The following DEPTOR variants were observed in gnomAD, a reference collection of about 807,000 sequenced individuals.
The protein encoded by DEPTOR is DEP domain containing MTOR interacting protein, also known as DEP domain-containing mTOR-interacting protein.
In DEPTOR, 41 loss-of-function variants were observed where a neutral mutation model predicts 41.6. The ratio of observed to expected loss-of-function variants is 0.98; its 90% CI spans 0.77 to 1.28. The LOEUF (loss-of-function observed/expected upper bound fraction) is 1.28, where lower values mean the gene tolerates loss of function less well. DEPTOR is among the 50% of genes most tolerant of loss of function. DEPTOR has a pLI of 0.00. For missense variants in DEPTOR, 514 were observed against 527.9 expected, an observed-to-expected ratio of 0.97 and a Z score of 0.26; for synonymous variants, 195 against 192.3, an observed-to-expected ratio of 1.01 and a Z score of -0.12.
intron 3 of DEPTOR, among the ~76,000 whole-genome samples, chr8:119,951,892 C>T (rs1208000490): frequency 1.3e-5 from 2 of 152,068 alleles, no homozygotes; most frequent in Non-Finnish European, 1.5e-5. Context: ...AATTCCAGCA[C>T]TTTGAGAGGA....
intron 3 of DEPTOR, among the ~76,000 whole-genome samples, chr8:119,946,860 T>A (rs541736224): frequency 6.6e-6 from 1 of 152,332 alleles, no homozygotes; most frequent in South Asian, 2.1e-4. Context: ...TAACTTAACT[T>A]CTTGGCTTTT....
intron 1 of DEPTOR, among the ~76,000 whole-genome samples, chr8:119,921,660 G>C (rs1827895459): frequency 6.6e-6 from 1 of 152,120 alleles, no homozygotes; most frequent in African/African-American, 2.4e-5. Flanking sequence ...TACCCTTGCA[G>C]GGAATTGGTG....
intron 1 of DEPTOR, among the ~76,000 whole-genome samples, chr8:119,923,059 C>G (rs1224644693): frequency 6.6e-6 from 1 of 152,088 alleles, no homozygotes; most frequent in Admixed American, 6.6e-5. Context: ...GGGAAATACT[C>G]CTGCCACCTC....
At position 119,921,591 on chromosome 8, in the gene DEPTOR, T is replaced by G. The variant is rs1827894375; in HGVS notation, c.123-6809T>G. Among the ~76,000 whole-genome samples the G allele has an allele frequency of 2.0e-5, 3 of 152,244 alleles. 1 individual carries two copies. The South Asian group carries it at 6.2e-4, about 32-fold the overall frequency. On this transcript the variant is annotated intron_variant, in intron 1 of 8. Transcript: ENST00000286234. ...CCATCATACTCAGTTTTCTTAAACA[T>G]GGAAATGTACCAGGACCCAGTGGGA...
intron 1 of DEPTOR, among the ~76,000 whole-genome samples, chr8:119,884,756 C>A (rs4053293): frequency 6.6e-6 from 1 of 151,906 alleles, no homozygotes; most frequent in Non-Finnish European, 1.5e-5. Flanking sequence ...TAGAGTCTCT[C>A]TCTGTTGCTC....
At chr8:119,905,411 A>G (rs1372199898) in intron 1 of DEPTOR, among the ~76,000 whole-genome samples, 1 of 152,114 alleles carries the variant, frequency 6.6e-6, no homozygotes, top group African/African-American at 2.4e-5. Flanking sequence ...TTGAAGTTTG[A>G]AGGTGTTTTT....
intron 3 of DEPTOR, among the ~76,000 whole-genome samples, chr8:119,947,134 A>G (rs1828289558): frequency 6.6e-6 from 1 of 152,238 alleles, no homozygotes; most frequent in Non-Finnish European, 1.5e-5. Flanking sequence ...TACAAGAAGC[A>G]GCTCAGGATC....
intron 1 of DEPTOR, among the ~76,000 whole-genome samples, chr8:119,893,008 C>T (rs1173260578): frequency 6.6e-6 from 1 of 152,060 alleles, no homozygotes; most frequent in Non-Finnish European, 1.5e-5. Context: ...GTCTCGAACT[C>T]CTGTTCTCAG....
chr8:119,932,967 T>A (rs62528692), intron 3 of DEPTOR, among the ~76,000 whole-genome samples: 26,276 of 151,762 alleles, frequency 0.17, 2,782 homozygotes, highest in Middle Eastern at 0.34. Context: ...AGGGCAGAAG[T>A]AAAGAGGAGA....
intron 3 of DEPTOR, among the ~76,000 whole-genome samples, chr8:119,959,045 G>A (rs554513584): frequency 1.3e-5 from 2 of 151,950 alleles, no homozygotes; most frequent in Non-Finnish European, 2.9e-5. Context: ...CTAAGAAGGG[G>A]TTGTCCATTA....
In DEPTOR at chr8:119,918,666, G is replaced by A. The variant is rs1053730735; in HGVS notation, c.123-9734G>A. 3.9e-5 allele frequency among the ~76,000 whole-genome samples: 6 copies of A among 152,108 alleles called. No homozygotes were observed. In the South Asian group the frequency reaches 8.3e-4, roughly 21 times the overall value. Reference sequence around the variant, plus strand: ...GGTAGAGACGGGGTTTCACCATGTTGGCCAGGATGGTCTTGATCTCTTGAC... The same window carrying A: ...GGTAGAGACGGGGTTTCACCATGTTAGCCAGGATGGTCTTGATCTCTTGAC... On this transcript the variant is annotated intron_variant, in intron 1 of 8. Transcript: ENST00000286234.
chr8:119,947,001 A>G (rs1013361230), intron 3 of DEPTOR, among the ~76,000 whole-genome samples: 5 of 152,134 alleles, frequency 3.3e-5, no homozygotes, highest in African/African-American at 1.2e-4. Context: ...GCGTGTGTGT[A>G]TGAACCTTGT....
At chr8:119,990,628 T>C (rs1034378612) in intron 4 of DEPTOR, among the ~76,000 whole-genome samples, 4 of 152,238 alleles carry the variant, frequency 2.6e-5, no homozygotes, top group African/African-American at 9.6e-5. Context: ...ATCCTTTTAC[T>C]TCTTTTCCAT....
At chr8:119,883,400 G>A (rs569805599) in intron 1 of DEPTOR, among the ~76,000 whole-genome samples, 9 of 150,322 alleles carry the variant, frequency 6.0e-5, no homozygotes, top group Non-Finnish European at 1.0e-4. Context: ...GCGTGAACCC[G>A]GGAGGTGGAG....
rs1232822769 is a variant in DEPTOR at position 119,962,240 on chromosome 8, G to GAGCA, written c.426-2989_426-2986dup. Reference sequence around the variant, plus strand: ...CCACTGCACTCCAGCCTGGGTGACAGAGCAAGACTCTGTCTCAAACAAAAC... The same window carrying GAGCA: ...CCACTGCACTCCAGCCTGGGTGACAGAGCAAGCAAGACTCTGTCTCAAACAAAAC... On this transcript the variant is annotated intron_variant, in intron 3 of 8. Transcript: ENST00000286234. 5.9e-5 allele frequency among the ~76,000 whole-genome samples: 9 copies of GAGCA among 152,194 alleles called. No homozygotes were observed. In the South Asian group the frequency reaches 1.9e-3, roughly 32 times the overall value.
At chr8:120,026,433 C>A (rs1434940452) in intron 8 of DEPTOR, among the ~76,000 whole-genome samples, 1 of 149,544 alleles carries the variant, frequency 6.7e-6, no homozygotes, top group Non-Finnish European at 1.5e-5. Flanking sequence ...ACCTCTACCT[C>A]CTGGGTTCGA....
intron 4 of DEPTOR, among the ~76,000 whole-genome samples, chr8:119,980,871 G>T (rs1289832763): frequency 1.3e-5 from 2 of 152,020 alleles, no homozygotes; most frequent in African/African-American, 4.8e-5. Flanking sequence ...CTATGTCTGA[G>T]ATTTCTGATA....
chr8:119,903,377 C>T (rs1827620291), intron 1 of DEPTOR, among the ~76,000 whole-genome samples: 1 of 152,166 alleles, frequency 6.6e-6, no homozygotes, highest in South Asian at 2.1e-4. Context: ...GGATTACAGG[C>T]GTGAGCCACT....
At chr8:119,967,362 G>A (rs924394873) in intron 4 of DEPTOR, among the ~76,000 whole-genome samples, 1 of 151,694 alleles carries the variant, frequency 6.6e-6, no homozygotes, top group Non-Finnish European at 1.5e-5. Flanking sequence ...TTACAAGTGT[G>A]AGCCACCATG....
Sources: gnomAD v4.1 joint callset for allele counts (sites outside exome capture counted in the v4.1 genomes callset) on GRCh38, gnomAD v4.1.1 for gene constraint, MANE v1.5 for transcripts, NCBI Gene and HGNC (gene_info 2026-07-23, HGNC 2026-07-21) for gene names.